NLRC3: variants seen among roughly 807,000 people sequenced by gnomAD.
NLRC3 encodes NLR family CARD domain-containing protein 3.
In NLRC3, 87 loss-of-function variants were observed where a neutral mutation model predicts 91.6. That is an observed-to-expected ratio of 0.95 (90% confidence interval 0.80 to 1.14). The LOEUF (loss-of-function observed/expected upper bound fraction) is 1.14, where lower values mean the gene tolerates loss of function less well. Ranked by LOEUF, NLRC3 falls within the 50% of genes most tolerant of loss-of-function variation. The pLI, the probability that NLRC3 is intolerant of heterozygous loss-of-function variation, is 0.00. For missense variants in NLRC3, 1,577 were observed against 1,418.6 expected (o/e 1.11, Z -1.79); for synonymous variants, 694 against 625.3 (o/e 1.11, Z -1.64).
intron 8 of NLRC3, among the ~76,000 whole-genome samples, chr16:3,556,451 G>C (rs766797121): frequency 1.3e-5 from 2 of 151,370 alleles, no homozygotes; most frequent in Non-Finnish European, 2.9e-5. Context: ...ACTTGCGTAG[G>C]GCATAAGATC....
intron 1 of NLRC3, among the ~76,000 whole-genome samples, chr16:3,570,136 T>C (rs2040046293): frequency 1.3e-5 from 2 of 152,058 alleles, no homozygotes; most frequent in African/African-American, 4.8e-5. Flanking sequence ...GCGTGTGCTG[T>C]ATAATCTACT....
chr16:3,577,056 C>A, intron 1 of NLRC3, 93 bp downstream of exon 1: 2 of 701,536 alleles, frequency 2.9e-6, no homozygotes, highest in South Asian at 1.5e-5. Context: ...TCCCCCTCCC[C>A]AGAGTAGCTC....
At position 3,563,469 on chromosome 16, in the gene NLRC3, C is replaced by T. The variant is rs1339299503; in HGVS notation, c.1468G>A (p.Gly490Ser). 1.3e-6 allele frequency: 2 copies of T among 1,584,862 alleles called. No homozygotes were observed. The highest frequency in any genetic ancestry group is 1.1e-5 in the South Asian group (1 of 87,130). The stretch of plus-strand genomic sequence containing the variant: ...GCGCTCCTGAAATGCGTGAGGAAGC[C>T]CAGCCTGGGCCAGGATACGCCGCTC... ...TESGVSWPRL[G>S]FLTHFRSAAQ... Residue 490 changes from glycine to serine, a missense_variant, in exon 5 of 20, where the codon GGC becomes AGC. Transcript: ENST00000359128.
Position 3,544,285 on chromosome 16 carries a change from G to A in NLRC3, c.2816C>T (p.Ala939Val). 1 of 1,613,286 alleles carries A rather than the reference G, an allele frequency of 6.2e-7. No homozygotes were observed. The highest frequency in any genetic ancestry group is 8.5e-7 in the Non-Finnish European group (1 of 1,179,322). ...GGCTGTGTTGACCTTCAGTGCACGG[G>A]CCACCGCACACGCTCCGTCATCCCC... ...AIGDDGACAVARALKVNTALT... is the reference protein window; with the variant it reads ...AIGDDGACAVVRALKVNTALT... Residue 939 changes from alanine to valine, a missense_variant, in exon 16 of 20, where the codon GCC becomes GTC. By Grantham distance (64) the Ala-to-Val change is moderately conservative. Transcript: ENST00000359128.
intron 6 of NLRC3, among the ~76,000 whole-genome samples, chr16:3,560,691 T>G (rs1487634864): frequency 6.6e-6 from 1 of 152,140 alleles, no homozygotes; most frequent in Non-Finnish European, 1.5e-5. Context: ...TCACCCAGAC[T>G]GGAGTGCAGT....
chr16:3,547,680 A>C (rs1349993633), intron 15 of NLRC3, among the ~76,000 whole-genome samples: 1 of 151,598 alleles, frequency 6.6e-6, no homozygotes, highest in African/African-American at 2.4e-5. Flanking sequence ...GTATATATAT[A>C]TATTTTTTAA....
At position 3,541,665 on chromosome 16, in the gene NLRC3, A is replaced by G. The variant is rs1191488716; in HGVS notation, c.*160T>C. 1.6e-6 allele frequency: 1 copy of G among 613,658 alleles called. No homozygotes were observed. Among genetic ancestry groups the G allele is most frequent in the African/African-American group, 1.9e-5 (1 of 53,994 alleles). 38.0% of individuals were successfully genotyped at this position (613,658 alleles called of 1,614,324 possible). On this transcript the variant is annotated 3_prime_UTR_variant, in exon 20 of 20. Transcript: ENST00000359128. The stretch of plus-strand genomic sequence containing the variant: ...TCCTGCAGCAGAAGAGGAGCTCACG[A>G]CCTCCTCCGGCAGCACCTCTCCTTC...
chr16:3,564,478 G>A lies in NLRC3; in HGVS notation c.459C>T (p.Thr153=). The A allele has an allele frequency of 6.2e-7, 1 of 1,612,562 alleles. No individual in the cohort carries two copies. The highest frequency in any genetic ancestry group is 1.1e-5 in the South Asian group (1 of 91,090). ...AGAGGCGGACGAAGTGCCTCACCAG[G>A]GTGGTCTTGCCCATGCCGGCCACCC... is the stretch of plus-strand genomic sequence containing the variant. The part of the protein sequence containing the change: ...TIGVAGMGKT[T]LVRHFVRLWA... The change falls in exon 5 of 20, where the codon ACC becomes ACT. Residue 153 remains threonine, a synonymous_variant. Transcript: ENST00000359128. This position sits in a 1 kb window ranked among gnomAD's most constrained non-coding sequence, Gnocchi z 5.9.
At chr16:3,548,284 G>T in intron 14 of NLRC3, 66 bp from the exon 15 acceptor site, 1 of 1,280,392 alleles carries the variant, frequency 7.8e-7, no homozygotes, top group East Asian at 2.5e-5. Context: ...GCAGAGCCAA[G>T]GAGGCTCTGA....
At position 3,541,588 on chromosome 16, in the gene NLRC3, C is replaced by T. The variant is rs2038395344; in HGVS notation, c.*237G>A. The stretch of plus-strand genomic sequence containing the variant: ...GGCCCCTAGTCCCTTGGGGGTGGCC[C>T]CTCCCTTCTCTGTGCCATAACAGAG... On this transcript the variant is annotated 3_prime_UTR_variant, in exon 20 of 20. Coordinates refer to ENST00000359128, the MANE Select transcript of NLRC3 (RefSeq NM_178844.4). The T allele has an allele frequency of 3.7e-6, 2 of 542,568 alleles. No homozygotes were observed. The highest frequency in any genetic ancestry group is 3.3e-6 in the Non-Finnish European group (1 of 303,540). 33.6% of individuals were successfully genotyped at this position (542,568 alleles called of 1,614,324 possible).
At position 3,564,963 on chromosome 16, in the gene NLRC3, A is replaced by G. The variant is rs2039811881; in HGVS notation, c.74T>C (p.Val25Ala). 1.2e-6 allele frequency: 2 copies of G among 1,610,592 alleles called. No individual in the cohort carries two copies. The highest frequency in any genetic ancestry group is 1.7e-6 in the Non-Finnish European group (2 of 1,179,706). The stretch of plus-strand genomic sequence containing the variant: ...AGCCAGCAGATCCATGAGGGCTTTC[A>G]CCTGCTCGGCTGGGGAGCCCGTACC... ...GHGTGSPAEQ[V>A]KALMDLLAGK... The change falls in exon 4 of 20, where the codon GTG becomes GCG. Residue 25 changes from valine to alanine, a missense_variant. By Grantham distance (64) the Val-to-Ala change is moderately conservative (BLOSUM62 0). Coordinates refer to ENST00000359128, the MANE Select transcript of NLRC3 (RefSeq NM_178844.4). The surrounding 1 kb of genome is among the most constrained non-coding windows in gnomAD (Gnocchi z 5.9).
chr16:3,549,364 T>C lies in NLRC3; in HGVS notation c.2520-139A>G. 1.0e-5 allele frequency: 7 copies of C among 699,720 alleles called. No homozygotes were observed. The South Asian group carries it at 1.1e-4, about 11-fold the overall frequency. 43.3% of individuals were successfully genotyped at this position (699,720 alleles called of 1,614,324 possible). A position where few individuals can be genotyped will look rare whatever the true frequency, so the allele number is the denominator to read the frequency against. On this transcript the variant is annotated intron_variant, in intron 12 of 19. Coordinates refer to ENST00000359128, the MANE Select transcript of NLRC3 (RefSeq NM_178844.4). The stretch of plus-strand genomic sequence containing the variant: ...GAGTTCTGCATAGTCTGGGCTGAGG[T>C]GTGAAGGAGCCAGTGCTAGTGAGCC...
intron 15 of NLRC3, among the ~76,000 whole-genome samples, chr16:3,546,394 T>TA (rs57467448): frequency 0.038 from 5,048 of 134,096 alleles, 249 homozygotes; most frequent in African/African-American, 0.12. Flanking sequence ...CCGTCTCTAT[T>TA]AAAAAAAAAA....
chr16:3,552,309 A>G lies in NLRC3; in HGVS notation c.2268-30T>C, dbSNP rs369562861. The G allele has an allele frequency of 7.8e-6, 12 of 1,535,778 alleles. No individual in the cohort carries two copies. In the African/African-American group the frequency reaches 1.6e-4, roughly 21 times the overall value. On this transcript the variant is annotated intron_variant, in intron 9 of 19. Transcript: ENST00000359128. ...GGGAGAAAAGAGAGGGGTCCTTTAG[A>G]AAGGCTGGTCACAGCCATTCCCAGG...
At position 3,564,783 on chromosome 16, in the gene NLRC3, G is replaced by C. The variant is rs758520886; in HGVS notation, c.179-25C>G. On this transcript the variant is annotated intron_variant, in intron 4 of 19. Coordinates refer to ENST00000359128, the MANE Select transcript of NLRC3 (RefSeq NM_178844.4). This position sits in a 1 kb window ranked among gnomAD's most constrained non-coding sequence, Gnocchi z 5.9. ...TCTGCGGGACAGAGGCCAGTGGGGA[G>C]GTCTGGTAAGGGAAGAGTGGGCACA... The C allele has an allele frequency of 1.3e-6, 2 of 1,565,554 alleles. No homozygotes were observed.
At chr16:3,548,026 G>A (rs1052989327) in intron 15 of NLRC3, 109 bp downstream of exon 15, 1 of 709,294 alleles carries the variant, frequency 1.4e-6, no homozygotes, top group African/African-American at 1.8e-5. Context: ...TTAGGGAAGA[G>A]GAGTGCCAGG....
At chr16:3,561,640 G>T in intron 6 of NLRC3, 62 bp downstream of exon 6, 4 of 1,147,034 alleles carry the variant, frequency 3.5e-6, no homozygotes, top group Non-Finnish European at 5.3e-6. Context: ...AGGATGATGG[G>T]AAGAGGGTTC....
rs745723335 is a variant in NLRC3, at chr16:3,549,755, C to T, written c.2461G>A (p.Ala821Thr). The change falls in exon 12 of 20, where the codon GCA becomes ACA. Residue 821 changes from alanine to threonine, a missense_variant. Coordinates refer to ENST00000359128, the MANE Select transcript of NLRC3 (RefSeq NM_178844.4). The stretch of plus-strand genomic sequence containing the variant: ...GCCCCCATCAGTGCTGCCACTCCTG[C>T]GTCACTGATGGAATTGCTCTGCAGG... ...LDLQSNSISDAGVAALMGALC... is the reference protein window; with the variant it reads ...LDLQSNSISDTGVAALMGALC... 18 of 1,550,914 alleles carry T rather than the reference C, an allele frequency of 1.2e-5. No individual in the cohort carries two copies. Among genetic ancestry groups the T allele is most frequent in the East Asian group, 7.3e-5 (3 of 40,918 alleles).
At position 3,563,195 on chromosome 16, in the gene NLRC3, C is replaced by T. The variant is rs767905220; in HGVS notation, c.1742G>A (p.Arg581His). Reference protein sequence around the residue: ...LHELQHTELARSVEEAMESGA... With the variant: ...LHELQHTELAHSVEEAMESGA... ...GCTCTCCATGGCCTCCTCCACGCTG[C>T]GGGCCAGCTCGGTGTGCTGCAGCTC... is the stretch of plus-strand genomic sequence containing the variant. The change falls in exon 5 of 20, where the codon CGC (arginine) becomes CAC (histidine). Residue 581 changes from arginine to histidine, a missense_variant. Coordinates refer to ENST00000359128, the MANE Select transcript of NLRC3 (RefSeq NM_178844.4). 2.3e-5 allele frequency: 37 copies of T among 1,595,024 alleles called. No individual in the cohort carries two copies. The highest frequency in any genetic ancestry group is 1.0e-4 in the Admixed American group (6 of 58,290).
Sources: gnomAD v4.1 joint callset for allele counts (sites outside exome capture counted in the v4.1 genomes callset) on GRCh38, gnomAD v4.1.1 for gene constraint, Gnocchi (gnomAD v3.1) non-coding constraint, MANE v1.5 for transcripts, NCBI Gene and HGNC (gene_info 2026-07-23, HGNC 2026-07-21) for gene names.